The following EXOC6B variants were observed in gnomAD, a reference collection of about 807,000 sequenced individuals.
EXOC6B encodes the protein exocyst complex component 6B.
EXOC6B carries 54 observed loss-of-function variants against 113.5 expected under a neutral mutation model. The ratio of observed to expected loss-of-function variants is 0.48; its 90% confidence interval spans 0.38 to 0.60. The LOEUF is 0.60. Ranked by LOEUF, EXOC6B falls within the 20% of genes least tolerant of loss-of-function variation. EXOC6B has a pLI of 0.00. For missense variants in EXOC6B, 797 were observed against 977.5 expected, an observed-to-expected ratio of 0.82 and a Z score of 2.46; for synonymous variants, 357 against 339.0, an observed-to-expected ratio of 1.05 and a Z score of -0.58.
intron 17 of EXOC6B, among the ~76,000 whole-genome samples, chr2:72,474,853 C>A (rs1344770537): frequency 6.6e-6 from 1 of 152,130 alleles, no homozygotes; most frequent in Admixed American, 6.6e-5. Flanking sequence ...ATATTCATAT[C>A]TGTACATCTA....
At chr2:72,670,366 G>A (rs969851087) in intron 6 of EXOC6B, among the ~76,000 whole-genome samples, 2 of 152,042 alleles carry the variant, frequency 1.3e-5, no homozygotes, top group African/African-American at 4.8e-5. Context: ...TGTAAAAGGG[G>A]CATCATAAAA....
At chr2:72,473,623 A>G (rs1362790556) in intron 17 of EXOC6B, among the ~76,000 whole-genome samples, 1 of 152,016 alleles carries the variant, frequency 6.6e-6, no homozygotes, top group Non-Finnish European at 1.5e-5. Flanking sequence ...TTTTTCATCC[A>G]TTCAACCAGT....
At chr2:72,261,692 GTA>G (rs1346238533) in intron 20 of EXOC6B, among the ~76,000 whole-genome samples, 2 of 152,094 alleles carry the variant, frequency 1.3e-5, no homozygotes, top group Non-Finnish European at 1.5e-5. Context: ...GCAAAAGTAA[GTA>G]TATACATATA....
intron 20 of EXOC6B, among the ~76,000 whole-genome samples, chr2:72,249,403 C>A: frequency 6.6e-6 from 1 of 151,972 alleles, no homozygotes; most frequent in Non-Finnish European, 1.5e-5. Flanking sequence ...TATAGGCGCC[C>A]GCCACTACAC....
chr2:72,672,032 C>T (rs1041464826), intron 6 of EXOC6B, among the ~76,000 whole-genome samples: 8 of 151,818 alleles, frequency 5.3e-5, no homozygotes, highest in African/African-American at 1.5e-4. Context: ...ATCAAAAAGA[C>T]AGGGAATAGC....
At chr2:72,771,438 T>C (rs186645033) in intron 1 of EXOC6B, among the ~76,000 whole-genome samples, 108 of 152,336 alleles carry the variant, frequency 7.1e-4, no homozygotes, top group Non-Finnish European at 1.9e-4. Flanking sequence ...TCCTCTCTCT[T>C]ACATAATGAT....
intron 20 of EXOC6B, among the ~76,000 whole-genome samples, chr2:72,191,015 T>A (rs80089066): frequency 6.6e-6 from 1 of 152,228 alleles, no homozygotes; most frequent in Non-Finnish European, 1.5e-5. Flanking sequence ...CACAGAGTTA[T>A]CTGTTTGTGG....
intron 1 of EXOC6B, among the ~76,000 whole-genome samples, chr2:72,815,146 C>G (rs1056224006): frequency 1.3e-5 from 2 of 151,974 alleles, no homozygotes; most frequent in Admixed American, 6.6e-5. Context: ...TGCATTTAAG[C>G]AACATATAAC....
chr2:72,643,154 C>CA (rs1441395253), intron 6 of EXOC6B, among the ~76,000 whole-genome samples: 7 of 152,054 alleles, frequency 4.6e-5, no homozygotes, highest in South Asian at 4.2e-4. Flanking sequence ...AACACTTTTA[C>CA]ACTGTTGGTG....
chr2:72,468,733 T>C (rs1309925144), intron 17 of EXOC6B, among the ~76,000 whole-genome samples: 2 of 152,196 alleles, frequency 1.3e-5, no homozygotes, highest in African/African-American at 2.4e-5. Flanking sequence ...CTTTGGGTAA[T>C]ATGGAAATTC....
chr2:72,471,259 T>C (rs1335637811), intron 17 of EXOC6B, among the ~76,000 whole-genome samples: 1 of 152,230 alleles, frequency 6.6e-6, no homozygotes, highest in African/African-American at 2.4e-5. Flanking sequence ...GCTGCATAAA[T>C]GTCTTCTTTT....
At chr2:72,522,770 A>G (rs530190025) in intron 8 of EXOC6B, among the ~76,000 whole-genome samples, 2 of 152,320 alleles carry the variant, frequency 1.3e-5, no homozygotes, top group South Asian at 4.1e-4. Flanking sequence ...CCTTTTCTAA[A>G]TAGATAGCTA....
At chr2:72,583,476 A>C (rs2103878847) in intron 6 of EXOC6B, among the ~76,000 whole-genome samples, 1 of 152,328 alleles carries the variant, frequency 6.6e-6, no homozygotes, top group South Asian at 2.1e-4. Context: ...AATCACATAC[A>C]AAAGGATACC....
At chr2:72,381,873 T>A (rs1020542300) in intron 18 of EXOC6B, among the ~76,000 whole-genome samples, 2 of 152,246 alleles carry the variant, frequency 1.3e-5, no homozygotes, top group Non-Finnish European at 2.9e-5. Context: ...ATGGATTTTA[T>A]GTCTTTGATT....
chr2:72,207,688 G>T (rs999648213), intron 20 of EXOC6B, among the ~76,000 whole-genome samples: 18 of 152,174 alleles, frequency 1.2e-4, no homozygotes, highest in Admixed American at 3.3e-4. Context: ...AGGTATCACA[G>T]TGTTTTTGAA....
chr2:72,641,221 G>T (rs1281739208), intron 6 of EXOC6B, among the ~76,000 whole-genome samples: 1 of 152,218 alleles, frequency 6.6e-6, no homozygotes, highest in Non-Finnish European at 1.5e-5. Flanking sequence ...GTTGGACAGT[G>T]GGTGCAGCTC....
intron 6 of EXOC6B, among the ~76,000 whole-genome samples, chr2:72,607,345 T>C (rs1457061792): frequency 6.6e-6 from 1 of 152,154 alleles, no homozygotes; most frequent in Non-Finnish European, 1.5e-5. Context: ...GCCCATGGAA[T>C]GACCCAGATG....
rs572504430 is a variant in EXOC6B at position 72,277,461 on chromosome 2, G to A, written c.2196+57486C>T. Among the ~76,000 whole-genome samples, 16 of 151,936 alleles carry A rather than the reference G, an allele frequency of 1.1e-4. No individual in the cohort carries two copies. In the East Asian group the frequency reaches 3.1e-3, roughly 29 times the overall value. ...CACAGCTTCAAAGCTAGTAAGATAT[G>A]GATGTTGGTAATAATTAGAAAGTAT... is the stretch of plus-strand genomic sequence containing the variant. On this transcript the variant is annotated intron_variant, in intron 20 of 21. Coordinates refer to ENST00000272427, the MANE Select transcript of EXOC6B (RefSeq NM_015189.3).
At chr2:72,548,272 T>A (rs1703015385) in intron 8 of EXOC6B, among the ~76,000 whole-genome samples, 1 of 152,090 alleles carries the variant, frequency 6.6e-6, no homozygotes, top group African/African-American at 2.4e-5. Flanking sequence ...AAATCTGACC[T>A]CCTGTTACAA....
Sources: gnomAD v4.1 joint callset for allele counts (sites outside exome capture counted in the v4.1 genomes callset) on GRCh38, gnomAD v4.1.1 for gene constraint, MANE v1.5 for transcripts, NCBI Gene and HGNC (gene_info 2026-07-23, HGNC 2026-07-21) for gene names.